Variants in GALNT2 observed in about 807,000 individuals in gnomAD.
GALNT2 encodes the protein UDP-GalNAc:polypeptide N-acetylgalactosaminyltransferase 2.
GALNT2 carries 31 observed loss-of-function variants against 81.4 expected under a neutral mutation model. The ratio of observed to expected loss-of-function variants is 0.38; its 90% CI spans 0.29 to 0.51. The LOEUF is 0.51. Ranked by LOEUF, GALNT2 falls within the 20% of genes least tolerant of loss-of-function variation. The pLI is 0.87. For synonymous variants in GALNT2, 303 were observed against 287.4 expected (o/e 1.05, Z -0.55); for missense variants, 629 against 765.7 (o/e 0.82, Z 2.11).
intron 1 of GALNT2, among the ~76,000 whole-genome samples, chr1:230,129,188 T>G (rs928632146): frequency 6.6e-6 from 1 of 152,260 alleles, no homozygotes; most frequent in African/African-American, 2.4e-5. Context: ...CAAAATAGAT[T>G]GTGTTGCCAG....
Position 230,262,601 on chromosome 1 carries a change from A to G in GALNT2, c.1165A>G (p.Met389Val). The change falls in exon 12 of 16, where the codon ATG becomes GTG. Residue 389 changes from methionine to valine, a missense_variant. By Grantham distance (21) the Met-to-Val change is conservative. Coordinates refer to ENST00000366672, the MANE Select transcript of GALNT2 (RefSeq NM_004481.5). ...RNTRRAAEVW[M>V]DEYKNFYYAA... ...CACCCGCCGGGCAGCAGAGGTCTGG[A>G]TGGATGAATACAAAAATTTCTATTA... 6.2e-7 allele frequency: 1 copy of G among 1,613,434 alleles called. No individual in the cohort carries two copies. Among genetic ancestry groups the G allele is most frequent in the Non-Finnish European group, 8.5e-7 (1 of 1,179,500 alleles).
chr1:230,081,685 T>G (rs921491546), intron 1 of GALNT2, among the ~76,000 whole-genome samples: 10 of 152,240 alleles, frequency 6.6e-5, no homozygotes, highest in African/African-American at 2.4e-4. Context: ...GTGGCTTTGC[T>G]GATGGCTCTA....
At chr1:230,267,820 C>G (rs1023972935) in intron 14 of GALNT2, among the ~76,000 whole-genome samples, 3 of 152,178 alleles carry the variant, frequency 2.0e-5, no homozygotes, top group Admixed American at 6.5e-5. Context: ...CTTCTGTGTC[C>G]TTGTAGCTCC....
At chr1:230,167,567 G>A (rs1004867883) in intron 1 of GALNT2, among the ~76,000 whole-genome samples, 11 of 152,246 alleles carry the variant, frequency 7.2e-5, no homozygotes, top group African/African-American at 2.7e-4. Flanking sequence ...GCACCTACTG[G>A]TGACAAGGAG....
upstream of GALNT2, among the ~76,000 whole-genome samples, chr1:230,066,362 G>A (rs2102736794): frequency 6.6e-6 from 1 of 152,302 alleles, no homozygotes; most frequent in South Asian, 2.1e-4. Context: ...TTTAAAGAAC[G>A]CAACGAATGA....
At position 230,075,805 on chromosome 1, in the gene GALNT2, G is replaced by C. The variant is rs1659533610; in HGVS notation, c.126+8399G>C. Among the ~76,000 whole-genome samples the C allele has an allele frequency of 2.0e-5, 3 of 152,182 alleles. No homozygotes were observed. The South Asian group carries it at 6.2e-4, about 31-fold the overall frequency. ...GATTAGGGATGAGGGCGGAAGGATA[G>C]TTGCAGTATTAAAGTGGTGATCACG... is the stretch of plus-strand genomic sequence containing the variant. On this transcript the variant is annotated intron_variant, in intron 1 of 15. Coordinates refer to ENST00000366672, the MANE Select transcript of GALNT2 (RefSeq NM_004481.5).
At chr1:230,091,391 A>G in intron 1 of GALNT2, among the ~76,000 whole-genome samples, 1 of 152,110 alleles carries the variant, frequency 6.6e-6, no homozygotes, top group African/African-American at 2.4e-5. Context: ...AACCTTTTCT[A>G]TCGGCCTATT....
chr1:230,249,702 C>A (rs1362668768), intron 9 of GALNT2, among the ~76,000 whole-genome samples: 1 of 152,130 alleles, frequency 6.6e-6, no homozygotes, highest in African/African-American at 2.4e-5. Context: ...ATTCCCAGGC[C>A]GGGCGGTGGG....
intron 11 of GALNT2, chr1:230,258,830 G>A (rs1054990527): frequency 9.2e-5 from 14 of 152,144 alleles, no homozygotes; most frequent in East Asian, 5.8e-4. Context: ...CATATCAGAC[G>A]CCCCACACCA....
chr1:230,228,235 T>C (rs964537071), intron 3 of GALNT2, among the ~76,000 whole-genome samples: 1 of 152,216 alleles, frequency 6.6e-6, no homozygotes, highest in Non-Finnish European at 1.5e-5. Context: ...TCCTTCAAAT[T>C]AACTCATAAA....
intron 6 of GALNT2, 99 bp downstream of exon 6, chr1:230,236,824 A>G (rs1452079973): frequency 5.7e-6 from 7 of 1,230,278 alleles, no homozygotes; most frequent in Non-Finnish European, 7.9e-6. Flanking sequence ...TTAATTGTCT[A>G]GCTTTTTTCT....
intron 8 of GALNT2, 49 bp downstream of exon 8, chr1:230,246,199 G>A: frequency 7.6e-7 from 1 of 1,313,252 alleles, no homozygotes; most frequent in Non-Finnish European, 1.1e-6. Context: ...GTCTACACCA[G>A]CATCTGATCA....
intron 10 of GALNT2, among the ~76,000 whole-genome samples, chr1:230,253,464 CCACCCTATT>C (rs1221022796): frequency 6.6e-6 from 1 of 152,042 alleles, no homozygotes; most frequent in East Asian, 1.9e-4. Flanking sequence ...TGTGATGGAC[CCACCCTATT>C]TCTGATCAAT....
At chr1:230,121,920 C>T (rs1661027549) in intron 1 of GALNT2, among the ~76,000 whole-genome samples, 1 of 132,372 alleles carries the variant, frequency 7.6e-6, no homozygotes. Context: ...TTATATTTCC[C>T]TTTGTAGTTT....
intron 1 of GALNT2, among the ~76,000 whole-genome samples, chr1:230,177,752 C>G (rs1278805677): frequency 1.3e-5 from 2 of 152,184 alleles, no homozygotes; most frequent in East Asian, 3.9e-4. Context: ...TTAACACTCT[C>G]TGAGGGGAGC....
At chr1:230,066,347 T>G (rs1169222731), upstream of GALNT2, among the ~76,000 whole-genome samples, 1 of 152,254 alleles carries the variant, frequency 6.6e-6, no homozygotes, top group Non-Finnish European at 1.5e-5. Flanking sequence ...ATGCTTAATG[T>G]GCTTTTTAAA....
chr1:230,139,661 G>C (rs896975935), intron 1 of GALNT2, among the ~76,000 whole-genome samples: 1 of 152,216 alleles, frequency 6.6e-6, no homozygotes, highest in African/African-American at 2.4e-5. Context: ...AATAGTAAGG[G>C]ATTTTTTGTT....
At chr1:230,086,992 A>G (rs926969041) in intron 1 of GALNT2, among the ~76,000 whole-genome samples, 1 of 152,206 alleles carries the variant, frequency 6.6e-6, no homozygotes, top group African/African-American at 2.4e-5. Flanking sequence ...CAAGGGTTCA[A>G]CAAGATGTTG....
intron 1 of GALNT2, among the ~76,000 whole-genome samples, chr1:230,170,940 A>G (rs1393800238): frequency 8.5e-5 from 13 of 152,200 alleles, no homozygotes; most frequent in Non-Finnish European, 1.5e-4. Context: ...TCAGATTTGG[A>G]GGAGACAGCT....
Sources: allele counts gnomAD v4.1 joint callset (sites outside exome capture counted in the v4.1 genomes callset), GRCh38; gene constraint gnomAD v4.1.1; transcripts MANE v1.5; gene names NCBI Gene and HGNC (gene_info 2026-07-23, HGNC 2026-07-21).